Variants in PLA2G4E observed in about 807,000 individuals in gnomAD.
PLA2G4E encodes the protein cytosolic phospholipase A2 epsilon.
In PLA2G4E, 84 loss-of-function variants were observed where a neutral mutation model predicts 109.1. That is an observed-to-expected ratio of 0.77 (90% CI 0.65 to 0.92). The LOEUF (loss-of-function observed/expected upper bound fraction) is 0.92. Ranked by LOEUF, PLA2G4E falls within the 40% of genes least tolerant of loss-of-function variation. PLA2G4E has a pLI of 0.00. For synonymous variants in PLA2G4E, 469 were observed against 436.1 expected, an observed-to-expected ratio of 1.08 and a Z score of -0.94; for missense variants, 1,057 against 1,076.6, an observed-to-expected ratio of 0.98 and a Z score of 0.25.
At chr15:41,988,996 G>A (rs1286429346) in intron 15 of PLA2G4E, among the ~76,000 whole-genome samples, 3 of 152,150 alleles carry the variant, frequency 2.0e-5, no homozygotes, top group East Asian at 1.9e-4. Flanking sequence ...TCCTGCATTC[G>A]GTGGGCCCAG....
At chr15:42,036,780 A>G (rs1889224186) in intron 1 of PLA2G4E, among the ~76,000 whole-genome samples, 1 of 151,978 alleles carries the variant, frequency 6.6e-6, no homozygotes, top group Non-Finnish European at 1.5e-5. Context: ...AGCTGGCGGG[A>G]GCCGGGAGCC....
chr15:42,020,332 G>C (rs1022141401), intron 1 of PLA2G4E, among the ~76,000 whole-genome samples: 1 of 152,204 alleles, frequency 6.6e-6, no homozygotes, highest in South Asian at 2.1e-4. Context: ...AAGCATTGAG[G>C]TCATCTCCCT....
In PLA2G4E at chr15:41,986,025, G is replaced by C. The variant is rs748996705; in HGVS notation, c.2036-20C>G. ...CTGTGTCTGAAAGCCAAGCCTTCCCGTTACCAACACACCTGGTGCCCTGAC... is the reference window on the plus strand; with the variant it reads ...CTGTGTCTGAAAGCCAAGCCTTCCCCTTACCAACACACCTGGTGCCCTGAC... On this transcript the variant is annotated intron_variant, in intron 17 of 19. Coordinates refer to ENST00000399518, the Ensembl canonical transcript of PLA2G4E. 1 of 1,575,300 alleles carries C rather than the reference G, an allele frequency of 6.3e-7. No individual in the cohort carries two copies. The highest frequency in any genetic ancestry group is 1.7e-4 in the Middle Eastern group (1 of 6,004).
In PLA2G4E at chr15:42,000,015, G is replaced by A. The variant is rs769735045; in HGVS notation, c.853-15C>T. Reference sequence around the variant, plus strand: ...CGGCAGCAAAGCTGGAGGGATGGGTGGGTTCTGTGAGAGGGGCTGGGGAGC... The same window carrying A: ...CGGCAGCAAAGCTGGAGGGATGGGTAGGTTCTGTGAGAGGGGCTGGGGAGC... On this transcript the variant is annotated splice_polypyrimidine_tract_variant and intron_variant, in intron 8 of 19. Transcript: ENST00000399518. 4.4e-6 allele frequency: 7 copies of A among 1,600,202 alleles called. No homozygotes were observed. The highest frequency in any genetic ancestry group is 5.1e-6 in the Non-Finnish European group (6 of 1,173,786).
chr15:42,047,215 T>C (rs995274682), intron 1 of PLA2G4E, among the ~76,000 whole-genome samples: 8 of 152,202 alleles, frequency 5.3e-5, no homozygotes, highest in Admixed American at 5.2e-4. Context: ...CAAGTGATGA[T>C]CCTGTCTTGG....
Position 41,999,430 on chromosome 15 carries a change from T to C in PLA2G4E, c.974+94A>G, listed in dbSNP as rs552422330. 2,243 of 893,290 alleles carry C rather than the reference T, an allele frequency of 2.5e-3. 5 individuals carry two copies. Among genetic ancestry groups the C allele is most frequent in the Non-Finnish European group, 3.7e-3 (1,997 of 543,616 alleles). 55.3% of individuals were successfully genotyped at this position (893,290 alleles called of 1,614,324 possible). A position where few individuals can be genotyped will look rare whatever the true frequency, so the allele number is the denominator to read the frequency against. ...GAAAGATGTTCAACATCATTAGCCATAGGGGAAATGCAAATCAAAACCACA... is the reference window on the plus strand; with the variant it reads ...GAAAGATGTTCAACATCATTAGCCACAGGGGAAATGCAAATCAAAACCACA... On this transcript the variant is annotated intron_variant, in intron 10 of 19. Transcript: ENST00000399518.
chr15:41,999,314 C>T lies in PLA2G4E; in HGVS notation c.974+210G>A, dbSNP rs561736173. Among the ~76,000 whole-genome samples, 4 of 152,130 alleles carry T rather than the reference C, an allele frequency of 2.6e-5. No homozygotes were observed. In the South Asian group the frequency reaches 8.3e-4, roughly 32 times the overall value. Reference sequence around the variant, plus strand: ...TATGTAAAGCACTCTTACAACTTAACAATAAAAAAACACAAATAACCCACA... The same window carrying T: ...TATGTAAAGCACTCTTACAACTTAATAATAAAAAAACACAAATAACCCACA... On this transcript the variant is annotated intron_variant, in intron 10 of 19. Transcript: ENST00000399518.
chr15:42,050,621 C>T (rs1889490132), exon 1 of PLA2G4E: 1 of 1,550,606 alleles, frequency 6.4e-7, no homozygotes, highest in Non-Finnish European at 8.7e-7. Context: ...TGACCTGCTG[C>T]CTTCTTCATC....
intron 3 of PLA2G4E, 183 bp from the exon 4 acceptor site, chr15:42,006,304 T>C (rs1327483133): frequency 4.9e-6 from 3 of 608,810 alleles, no homozygotes; most frequent in Admixed American, 6.7e-5. Flanking sequence ...CAAGTGTCTA[T>C]TCCCTCCTTT....
At chr15:42,008,746 C>T (rs2068502923) in intron 2 of PLA2G4E, among the ~76,000 whole-genome samples, 1 of 152,172 alleles carries the variant, frequency 6.6e-6, no homozygotes, top group Non-Finnish European at 1.5e-5. Context: ...CTGCCCCTGT[C>T]ACTCTCCTGG....
chr15:42,024,938 C>T (rs548617185), intron 1 of PLA2G4E, among the ~76,000 whole-genome samples: 38 of 152,236 alleles, frequency 2.5e-4, no homozygotes, highest in African/African-American at 8.4e-4. Flanking sequence ...CGGTGGCTCA[C>T]GCCTGTAATC....
chr15:42,010,139 C>CCCCCCG, intron 2 of PLA2G4E: 2 of 476,072 alleles, frequency 4.2e-6, no homozygotes, highest in Non-Finnish European at 8.4e-6. Context: ...CTGGCCCCCC[C>CCCCCCG]ACCCCGGGCC....
At chr15:42,000,264 A>G (rs1382876736) in exon 8 of PLA2G4E, 1 of 1,572,268 alleles carries the variant, frequency 6.4e-7, no homozygotes, top group East Asian at 2.4e-5. Context: ...TTCGTTCACC[A>G]TCACCAGGAG....
chr15:42,030,406 C>T (rs139370964), intron 1 of PLA2G4E, among the ~76,000 whole-genome samples: 13 of 152,298 alleles, frequency 8.5e-5, no homozygotes, highest in South Asian at 2.1e-4. Context: ...TCTTTATCTG[C>T]GAGGAACAGC....
intron 7 of PLA2G4E, 31 bp downstream of exon 7, chr15:42,001,126 C>A: frequency 1.3e-6 from 2 of 1,589,942 alleles, no homozygotes. Context: ...CCCCTTGTCC[C>A]CCAGTAGGCA....
chr15:42,001,122 G>T (rs746712608), intron 7 of PLA2G4E, 35 bp downstream of exon 7: 1 of 1,579,694 alleles, frequency 6.3e-7, no homozygotes, highest in Non-Finnish European at 8.7e-7. Flanking sequence ...GCTCCCCCTT[G>T]TCCCCCAGTA....
At chr15:41,999,635 A>T in intron 9 of PLA2G4E, 74 bp from the exon 10 acceptor site, 3 of 1,559,946 alleles carry the variant, frequency 1.9e-6, no homozygotes, top group Non-Finnish European at 2.6e-6. Flanking sequence ...CACACTGTCC[A>T]CCCAGACCCC....
chr15:42,047,594 C>T lies in PLA2G4E; in HGVS notation c.183+2927G>A, dbSNP rs146440231. On this transcript the variant is annotated intron_variant, in intron 1 of 19. Transcript: ENST00000399518. The stretch of plus-strand genomic sequence containing the variant: ...TTTGGGGGGCATATTCAGACCATAG[C>T]GGTGGGTCCTTGCAGTTCCCCCAAA... Among the ~76,000 whole-genome samples, 93 of 152,294 alleles carry T rather than the reference C, an allele frequency of 6.1e-4. No individual in the cohort carries two copies. In the East Asian group the frequency reaches 0.015, roughly 25 times the overall value.
At chr15:42,013,723 C>T (rs2068561009) in exon 2 of PLA2G4E, 2 of 1,550,644 alleles carry the variant, frequency 1.3e-6, no homozygotes, top group Middle Eastern at 1.7e-4. Flanking sequence ...CCGGATGACC[C>T]TCACTGTCAA....
Sources: allele counts gnomAD v4.1 joint callset (sites outside exome capture counted in the v4.1 genomes callset), GRCh38; gene constraint gnomAD v4.1.1; transcripts MANE v1.5; gene names NCBI Gene and HGNC (gene_info 2026-07-23, HGNC 2026-07-21).